The following NXPE2 variants were observed in gnomAD, a reference collection of about 807,000 sequenced individuals.
NXPE2 encodes the protein neurexophilin and PC-esterase domain family member 2.
In NXPE2, 34 loss-of-function variants were observed where a neutral mutation model predicts 34.4. The observed-to-expected ratio is 0.99, with a 90% CI of 0.75 to 1.31. The LOEUF (loss-of-function observed/expected upper bound fraction) is 1.31. NXPE2 is among the 40% of genes most tolerant of loss of function. The pLI is 0.00. For synonymous variants in NXPE2, 235 were observed against 231.3 expected, an observed-to-expected ratio of 1.02 and a Z score of -0.15; for missense variants, 649 against 672.5, an observed-to-expected ratio of 0.97 and a Z score of 0.39.
chr11:114,749,104 C>A, the NXPE2 span, among the ~76,000 whole-genome samples: 2 of 152,144 alleles, frequency 1.3e-5, no homozygotes, highest in South Asian at 4.1e-4. Context: ...TACCATTTCT[C>A]CAAAGAGTCC....
At chr11:114,595,795 C>T in the NXPE2 span, 5 of 152,258 alleles carry the variant, frequency 3.3e-5, no homozygotes, top group African/African-American at 9.7e-5. Flanking sequence ...GTGTCAGCCA[C>T]GTCAGCTCCA....
At chr11:114,480,354 A>G in the NXPE2 span, among the ~76,000 whole-genome samples, 1 of 152,194 alleles carries the variant, frequency 6.6e-6, no homozygotes, top group Non-Finnish European at 1.5e-5. Flanking sequence ...GGGTGGCCAC[A>G]TGGCCCATAC....
the NXPE2 span, among the ~76,000 whole-genome samples, chr11:114,670,054 C>A: frequency 3.3e-5 from 5 of 151,980 alleles, no homozygotes; most frequent in African/African-American, 1.2e-4. Flanking sequence ...AGGTAGAGCC[C>A]TATAGAATTA....
the NXPE2 span, among the ~76,000 whole-genome samples, chr11:114,759,108 T>A: frequency 0.037 from 5,620 of 151,658 alleles, 358 homozygotes; most frequent in African/African-American, 0.13. Flanking sequence ...ACACACACAC[T>A]CTCTCTCTGT....
At chr11:114,533,129 T>C in the NXPE2 span, among the ~76,000 whole-genome samples, 9 of 152,178 alleles carry the variant, frequency 5.9e-5, no homozygotes, top group African/African-American at 2.2e-4. Flanking sequence ...ATGAGAATGA[T>C]GGGGGGAGAA....
At chr11:114,528,309 G>A in the NXPE2 span, among the ~76,000 whole-genome samples, 3 of 152,154 alleles carry the variant, frequency 2.0e-5, no homozygotes, top group South Asian at 2.1e-4. Flanking sequence ...TTTTCAATAC[G>A]ACTGCCAGAG....
chr11:114,605,414 A>G, the NXPE2 span, among the ~76,000 whole-genome samples: 2 of 151,858 alleles, frequency 1.3e-5, no homozygotes, highest in East Asian at 3.9e-4. Context: ...GGTGGATAAT[A>G]AGTATTGCCT....
chr11:114,582,092 A>G, the NXPE2 span, among the ~76,000 whole-genome samples: 1 of 152,150 alleles, frequency 6.6e-6, no homozygotes, highest in Non-Finnish European at 1.5e-5. Context: ...TCCCATTGAT[A>G]AGAATTAAAT....
At chr11:114,523,447 G>C in the NXPE2 span, among the ~76,000 whole-genome samples, 1 of 152,030 alleles carries the variant, frequency 6.6e-6, no homozygotes, top group African/African-American at 2.4e-5. Flanking sequence ...CTGCCAGTTG[G>C]TGCCGCTGTA....
At chr11:114,565,740 C>G in the NXPE2 span, among the ~76,000 whole-genome samples, 1 of 152,102 alleles carries the variant, frequency 6.6e-6, no homozygotes, top group South Asian at 2.1e-4. Context: ...GGGTTTTATC[C>G]AGGGATGTAA....
At chr11:114,621,589 A>C in the NXPE2 span, among the ~76,000 whole-genome samples, 1 of 152,176 alleles carries the variant, frequency 6.6e-6, no homozygotes, top group Non-Finnish European at 1.5e-5. Context: ...GTTGGATAAT[A>C]AATGTTTCCT....
the NXPE2 span, among the ~76,000 whole-genome samples, chr11:114,488,985 G>C: frequency 6.6e-6 from 1 of 152,118 alleles, no homozygotes; most frequent in Non-Finnish European, 1.5e-5. Flanking sequence ...GAAGAAAAGA[G>C]AGAAGAATCA....
the NXPE2 span, among the ~76,000 whole-genome samples, chr11:114,736,904 G>T: frequency 6.6e-6 from 1 of 152,108 alleles, no homozygotes; most frequent in Non-Finnish European, 1.5e-5. Flanking sequence ...CTGACTTCCC[G>T]CAACAGTGCC....
chr11:114,763,854 G>A, the NXPE2 span, among the ~76,000 whole-genome samples: 1 of 152,158 alleles, frequency 6.6e-6, no homozygotes, highest in Non-Finnish European at 1.5e-5. Flanking sequence ...GGTATGAAGA[G>A]TCTAATTAGC....
the NXPE2 span, among the ~76,000 whole-genome samples, chr11:114,670,713 A>G: frequency 5.9e-5 from 9 of 151,964 alleles, no homozygotes; most frequent in Non-Finnish European, 1.2e-4. Flanking sequence ...AAATAAAAGT[A>G]AAACAAGCAA....
chr11:114,732,035 C>A, the NXPE2 span, among the ~76,000 whole-genome samples: 1 of 152,256 alleles, frequency 6.6e-6, no homozygotes, highest in South Asian at 2.1e-4. Context: ...GATAATGAGT[C>A]TCCTAGATTG....
At chr11:114,812,427 A>G in the NXPE2 span, among the ~76,000 whole-genome samples, 27 of 152,220 alleles carry the variant, frequency 1.8e-4, no homozygotes, top group Non-Finnish European at 2.9e-5. Context: ...GTGGCACTGG[A>G]AAGGGGCAAG....
chr11:114,792,752 A>C, the NXPE2 span, among the ~76,000 whole-genome samples: 1 of 152,228 alleles, frequency 6.6e-6, no homozygotes, highest in African/African-American at 2.4e-5. Context: ...CTCTTATATC[A>C]ATTATTTCAA....
At chr11:114,654,643 G>T in the NXPE2 span, among the ~76,000 whole-genome samples, 4 of 152,062 alleles carry the variant, frequency 2.6e-5, no homozygotes, top group Non-Finnish European at 5.9e-5. Flanking sequence ...CCCTGAAAAA[G>T]ACATCTCGTT....
Sources: gnomAD v4.1 joint callset for allele counts (sites outside exome capture counted in the v4.1 genomes callset) on GRCh38, gnomAD v4.1.1 for gene constraint, MANE v1.5 for transcripts, NCBI Gene and HGNC (gene_info 2026-07-23, HGNC 2026-07-21) for gene names.